The following KRT8 variants were observed in gnomAD, a reference collection of about 807,000 sequenced individuals.
The protein encoded by KRT8 is keratin 8, also known as keratin, type II cytoskeletal 8.
KRT8 carries 24 observed loss-of-function variants against 43.0 expected under a neutral mutation model. The ratio of observed to expected loss-of-function variants is 0.56; its 90% confidence interval spans 0.40 to 0.78. KRT8 has a LOEUF of 0.78. Ranked by LOEUF, KRT8 falls within the 30% of genes least tolerant of loss-of-function variation. KRT8 has a pLI of 0.00. For synonymous variants in KRT8, 214 were observed against 261.2 expected, an observed-to-expected ratio of 0.82 and a Z score of 1.74; for missense variants, 492 against 638.4, an observed-to-expected ratio of 0.77 and a Z score of 2.47.
Position 52,901,940 on chromosome 12 carries a change from T to C in KRT8, c.457A>G (p.Thr153Ala), listed in dbSNP as rs749208720. The change falls in exon 2 of 8, where the codon ACT becomes GCT. Residue 153 changes from threonine to alanine, a missense_variant. Physicochemically the swap from Thr to Ala is moderately conservative, Grantham distance 58 (BLOSUM62 0). Around this residue, in one of 3 missense-constraint regions of KRT8, gnomAD observed 389 missense variants for 485.7 expected, o/e 0.80. Transcript: ENST00000692008. ...AGCTTCAGCTTCTCCTGGCCCAGAG[T>C]CTCCAGCTGCCGCCTAAGGTTGTTG... 24 of 1,610,670 alleles carry C rather than the reference T, an allele frequency of 1.5e-5. No individual in the cohort carries two copies. The Admixed American group carries it at 4.0e-4, about 27-fold the overall frequency.
chr12:52,903,983 C>T (rs1409505315), intron 1 of KRT8, among the ~76,000 whole-genome samples: 6 of 151,564 alleles, frequency 4.0e-5, no homozygotes, highest in Admixed American at 2.6e-4. Flanking sequence ...CCCACGCTGC[C>T]GGCGCAGGGG....
intron 6 of KRT8, 30 bp from the exon 7 acceptor site, chr12:52,898,549 C>G (rs1466603885): frequency 6.2e-7 from 1 of 1,613,572 alleles, no homozygotes; most frequent in Admixed American, 1.7e-5. Flanking sequence ...GTGTCAGGAC[C>G]AACTCCTAGC....
intron 2 of KRT8, among the ~76,000 whole-genome samples, chr12:52,933,773 C>G (rs1294986299): frequency 6.6e-6 from 1 of 151,814 alleles, no homozygotes; most frequent in Non-Finnish European, 1.5e-5. Context: ...TACAGGTGCC[C>G]ACGACCATGC....
exon 2 of KRT8, chr12:52,949,490 G>A: frequency 1.6e-5 from 26 of 1,613,548 alleles, no homozygotes; most frequent in Non-Finnish European, 2.1e-5. Flanking sequence ...ACCGAGAACC[G>A]GAGGCTGGAG....
At chr12:52,904,503 C>G (rs1941461832) in intron 1 of KRT8, among the ~76,000 whole-genome samples, 155 bp downstream of exon 1, 1 of 152,092 alleles carries the variant, frequency 6.6e-6, no homozygotes. Context: ...CCAAGGTGCA[C>G]GGGAGGGGTG....
chr12:52,901,684 T>G (rs1013758392), intron 2 of KRT8, 180 bp downstream of exon 2: 11 of 628,534 alleles, frequency 1.8e-5, no homozygotes, highest in Non-Finnish European at 2.6e-5. Flanking sequence ...CTATCAACAA[T>G]TGTGCTAGGA....
At chr12:52,939,723 C>CAA (rs1266388748) in intron 2 of KRT8, among the ~76,000 whole-genome samples, 2 of 136,146 alleles carry the variant, frequency 1.5e-5, no homozygotes, top group Non-Finnish European at 3.2e-5. Flanking sequence ...GACTCCCTCT[C>CAA]AAAAAAAAAA....
chr12:52,949,190 G>T, intron 2 of KRT8: 2 of 1,611,700 alleles, frequency 1.2e-6, no homozygotes, highest in Non-Finnish European at 1.7e-6. Flanking sequence ...TTCACCACTC[G>T]CTCCACCTTC....
chr12:52,898,953 C>G lies in KRT8; in HGVS notation c.982-54G>C, dbSNP rs565852708. 8.5e-6 allele frequency: 13 copies of G among 1,524,704 alleles called. No individual in the cohort carries two copies. The African/African-American group carries it at 1.5e-4, about 18-fold the overall frequency. The allele number at this position is 1,524,704 out of a possible 1,614,324, so 94.4% of individuals were successfully genotyped here. A position where few individuals can be genotyped will look rare whatever the true frequency, so the allele number is the denominator to read the frequency against. ...CAGGTTGGGTATGCCTTCTCTTCTC[C>G]CGTGCTCCCACCCTCCCTCAGGGTC... is the stretch of plus-strand genomic sequence containing the variant. On this transcript the variant is annotated intron_variant, in intron 5 of 7. Transcript: ENST00000692008.
intron 2 of KRT8, among the ~76,000 whole-genome samples, chr12:52,921,940 A>G (rs1941893516): frequency 6.6e-6 from 1 of 151,874 alleles, no homozygotes; most frequent in African/African-American, 2.4e-5. Flanking sequence ...CCAAAGTGGG[A>G]GGATGGCTTG....
intron 2 of KRT8, chr12:52,926,515 C>A: frequency 6.7e-7 from 1 of 1,502,590 alleles, no homozygotes; most frequent in Non-Finnish European, 9.0e-7. Context: ...GCCCCAGTCA[C>A]CTCTGCCGGA....
intron 2 of KRT8, chr12:52,926,335 CTCCCCA>C: frequency 5.7e-6 from 4 of 703,230 alleles, no homozygotes; most frequent in Non-Finnish European, 7.3e-6. Flanking sequence ...ACTAGCTGCC[CTCCCCA>C]CCCCACCCCC....
intron 2 of KRT8, among the ~76,000 whole-genome samples, chr12:52,923,132 A>T (rs1193974826): frequency 6.6e-6 from 1 of 152,182 alleles, no homozygotes; most frequent in Non-Finnish European, 1.5e-5. Flanking sequence ...CACTACCTCC[A>T]AAGTGCTCTA....
chr12:52,942,051 A>T (rs905731512), intron 2 of KRT8, among the ~76,000 whole-genome samples: 1 of 152,014 alleles, frequency 6.6e-6, no homozygotes, highest in African/African-American at 2.4e-5. Context: ...TTGTCCAATG[A>T]TCTGTTCCCT....
At chr12:52,931,283 G>A (rs1409874989) in intron 2 of KRT8, among the ~76,000 whole-genome samples, 1 of 151,654 alleles carries the variant, frequency 6.6e-6, no homozygotes, top group Non-Finnish European at 1.5e-5. Flanking sequence ...TAGCCAGGAT[G>A]GTCTCAATCT....
At chr12:52,945,469 C>T (rs1039986619) in intron 2 of KRT8, among the ~76,000 whole-genome samples, 15 of 152,198 alleles carry the variant, frequency 9.9e-5, no homozygotes, top group Non-Finnish European at 1.8e-4. Flanking sequence ...CCAGGCTGAG[C>T]AAGGAATTTC....
intron 2 of KRT8, among the ~76,000 whole-genome samples, chr12:52,921,839 C>G (rs1179903698): frequency 6.6e-6 from 1 of 152,058 alleles, no homozygotes; most frequent in Non-Finnish European, 1.5e-5. Context: ...TATCTGCATT[C>G]TAGAGTGGAG....
chr12:52,938,662 G>C (rs1408787903), intron 2 of KRT8, among the ~76,000 whole-genome samples: 1 of 151,692 alleles, frequency 6.6e-6, no homozygotes, highest in Admixed American at 6.6e-5. Context: ...CTGTCGCCGA[G>C]GCTGGAGTGC....
At chr12:52,919,871 C>T (rs892805439) in intron 2 of KRT8, among the ~76,000 whole-genome samples, 2 of 152,110 alleles carry the variant, frequency 1.3e-5, no homozygotes, top group East Asian at 3.9e-4. Context: ...TAGTCTTGAA[C>T]TCCTGACCTC....
Sources: gnomAD v4.1 joint callset for allele counts (sites outside exome capture counted in the v4.1 genomes callset) on GRCh38, gnomAD v4.1.1 for gene constraint, gnomAD v4.1.1 regional missense constraint, MANE v1.5 for transcripts, NCBI Gene and HGNC (gene_info 2026-07-23, HGNC 2026-07-21) for gene names.